ARHGEF40: variants seen among roughly 807,000 people sequenced by gnomAD.
ARHGEF40 encodes Rho guanine nucleotide exchange factor (GEF) 40.
ARHGEF40 carries 98 observed loss-of-function variants against 165.9 expected under a neutral mutation model. The ratio of observed to expected loss-of-function variants is 0.59; its 90% CI spans 0.50 to 0.70. The LOEUF is 0.70. Ranked by LOEUF, ARHGEF40 falls within the 30% of genes least tolerant of loss-of-function variation. The pLI is 0.00. For missense variants in ARHGEF40, 1,815 were observed against 1,968.0 expected (o/e 0.92, Z 1.47); for synonymous variants, 792 against 814.3 (o/e 0.97, Z 0.47).
At position 21,076,864 on chromosome 14, in the gene ARHGEF40, C is replaced by T. The variant is rs1434842689; in HGVS notation, c.2008C>T (p.Pro670Ser). 1.9e-6 allele frequency: 3 copies of T among 1,613,536 alleles called. No individual in the cohort carries two copies. Among genetic ancestry groups the T allele is most frequent in the Non-Finnish European group, 2.5e-6 (3 of 1,179,956 alleles). ...GTTAGGAGGTCACAGGGACCCCTCT[C>T]CCAGTCACTGGGTAGAGATACACCA... ...WELGGHRDPS[P>S]SHWVEIHQEV... The change falls in exon 8 of 24, where the codon CCC becomes TCC. Residue 670 changes from proline (P) to serine (S), a missense_variant. Coordinates refer to ENST00000298694, the MANE Select transcript of ARHGEF40 (RefSeq NM_018071.5).
At position 21,082,003 on chromosome 14, in the gene ARHGEF40, T is replaced by G. The variant is rs936993336; in HGVS notation, c.3135T>G (p.Thr1045=). 1.3e-5 allele frequency: 21 copies of G among 1,579,330 alleles called. No homozygotes were observed. Among genetic ancestry groups the G allele is most frequent in the Non-Finnish European group, 1.7e-5 (20 of 1,162,352 alleles). ...VLIRGLEVTS[T]EVVDRTCSPR... ...TCCGAGGCCTGGAGGTCACCAGCACTGAGGTGGTAGACAGGACGTGCTCAC... is the reference window on the plus strand; with the variant it reads ...TCCGAGGCCTGGAGGTCACCAGCACGGAGGTGGTAGACAGGACGTGCTCAC... Residue 1045 remains threonine, a synonymous_variant, in exon 14 of 24, where the codon ACT becomes ACG. Transcript: ENST00000298694.
At position 21,070,360 on chromosome 14, in the gene ARHGEF40, G is replaced by T; in HGVS notation, c.-37G>T. ...GGCGGTGGCGCGCCCGGCCCCGCCC[G>T]CCCGACCAAGCGTCGGACGCGGCCC... On this transcript the variant is annotated 5_prime_UTR_variant, in exon 1 of 24. Coordinates refer to ENST00000298694, the MANE Select transcript of ARHGEF40 (RefSeq NM_018071.5). The surrounding 1 kb of genome is among the most constrained non-coding windows in gnomAD (Gnocchi z 4.7). The T allele has an allele frequency of 2.1e-6, 3 of 1,405,442 alleles. No individual in the cohort carries two copies. The highest frequency in any genetic ancestry group is 1.5e-5 in the South Asian group (1 of 65,646). The allele number at this position is 1,405,442 out of a possible 1,614,324, so 87.1% of individuals were successfully genotyped here.
rs1282283570 is a variant in ARHGEF40, at chr14:21,081,735, TGG to T, written c.2869_2870del (p.Gly957ArgfsTer60). 1.9e-6 allele frequency: 3 copies of T among 1,576,558 alleles called. No individual in the cohort carries two copies. In the South Asian group the frequency reaches 3.4e-5, roughly 18 times the overall value. On this transcript the variant is annotated frameshift_variant, in exon 14 of 24. Transcript: ENST00000298694. LOFTEE classifies it high-confidence loss of function. The stretch of plus-strand genomic sequence containing the variant: ...CTAGAGAGGAGGATCCAGCAACACG[TGG>T]GAGAGGAGGCGAGCCCACGGGGCTA...
At position 21,087,472 on chromosome 14, in the gene ARHGEF40, CCT is replaced by C. The variant is rs1452967034; in HGVS notation, c.4387+13_4387+14del. ...CAAGCAAATTTCCCTGGGTGAGGCA[CCT>C]CTCAAGGGGTGGCTCCCAACAGCTC... On this transcript the variant is annotated intron_variant, in intron 21 of 23. Transcript: ENST00000298694. The C allele has an allele frequency of 5.0e-6, 8 of 1,600,228 alleles. No individual in the cohort carries two copies. Among genetic ancestry groups the C allele is most frequent in the Non-Finnish European group, 6.8e-6 (8 of 1,179,794 alleles).
In ARHGEF40 at chr14:21,070,364, G is replaced by C. The variant is rs1886611797; in HGVS notation, c.-33G>C. The C allele has an allele frequency of 1.4e-6, 2 of 1,406,186 alleles. No homozygotes were observed. Among genetic ancestry groups the C allele is most frequent in the East Asian group, 6.1e-5 (2 of 32,718 alleles). 87.1% of individuals were successfully genotyped at this position (1,406,186 alleles called of 1,614,324 possible). On this transcript the variant is annotated 5_prime_UTR_variant, in exon 1 of 24. Transcript: ENST00000298694. This position sits in a 1 kb window ranked among gnomAD's most constrained non-coding sequence, Gnocchi z 4.7. ...GTGGCGCGCCCGGCCCCGCCCGCCC[G>C]ACCAAGCGTCGGACGCGGCCCGGCG...
chr14:21,075,858 C>T lies in ARHGEF40; in HGVS notation c.1739+93C>T. 11 of 1,476,102 alleles carry T rather than the reference C, an allele frequency of 7.5e-6. No individual in the cohort carries two copies. The highest frequency in any genetic ancestry group is 1.0e-5 in the Non-Finnish European group (11 of 1,095,332). The allele number at this position is 1,476,102 out of a possible 1,614,324, so 91.4% of individuals were successfully genotyped here. A position where few individuals can be genotyped will look rare whatever the true frequency, so the allele number is the denominator to read the frequency against. ...CTTCTCAGGACACTGACCTTCTGACCTCTAAGGACACCTACTTCTTCAACC... is the reference window on the plus strand; with the variant it reads ...CTTCTCAGGACACTGACCTTCTGACTTCTAAGGACACCTACTTCTTCAACC... On this transcript the variant is annotated intron_variant, in intron 5 of 23. Transcript: ENST00000298694. This position sits in a 1 kb window ranked among gnomAD's most constrained non-coding sequence, Gnocchi z 4.5.
Position 21,081,049 on chromosome 14 carries a change from C to A in ARHGEF40, c.2640+33C>A, listed in dbSNP as rs372083448. 10 of 1,588,612 alleles carry A rather than the reference C, an allele frequency of 6.3e-6. No homozygotes were observed. The East Asian group carries it at 1.1e-4, about 18-fold the overall frequency. On this transcript the variant is annotated intron_variant, in intron 13 of 23. Transcript: ENST00000298694. ...CAGAGCCTTTTCCTTCTGTGCCCCC[C>A]CATTTCCATTTATTCACTTCCTTTC...
At chr14:21,081,045 C>G in intron 13 of ARHGEF40, 29 bp downstream of exon 13, 8 of 1,568,128 alleles carry the variant, frequency 5.1e-6, no homozygotes, top group Non-Finnish European at 7.0e-6. Flanking sequence ...CCTTCTGTGC[C>G]CCCCCATTTC....
At chr14:21,061,627 C>A in the ARHGEF40 span, among the ~76,000 whole-genome samples, 2 of 152,164 alleles carry the variant, frequency 1.3e-5, no homozygotes, top group African/African-American at 4.8e-5. Flanking sequence ...GAAGGGGCTC[C>A]TCAGCCATTT....
intron 8 of ARHGEF40, 123 bp downstream of exon 8, chr14:21,077,013 T>C (rs935926237): frequency 7.1e-6 from 5 of 708,748 alleles, no homozygotes; most frequent in Non-Finnish European, 9.7e-6. Flanking sequence ...TTCCATTCCA[T>C]TCAATTCAAC....
Position 21,082,312 on chromosome 14 carries a change from C to T in ARHGEF40, c.3320C>T (p.Pro1107Leu). The change falls in exon 15 of 24, where the codon CCA (proline) becomes CTA (leucine). Residue 1107 changes from proline (P) to leucine (L), a missense_variant. Physicochemically the swap from Pro to Leu is moderately conservative, Grantham distance 98. Transcript: ENST00000298694. ...EQDYVATLSE[P>L]VPPPGPELTP... ...GATTACGTGGCCACCTTGAGTGAGC[C>T]AGTGCCACCCCCTGGGCCTGAGCTG... is the stretch of plus-strand genomic sequence containing the variant. The T allele has an allele frequency of 6.2e-7, 1 of 1,613,212 alleles. No homozygotes were observed. Among genetic ancestry groups the T allele is most frequent in the Non-Finnish European group, 8.5e-7 (1 of 1,179,780 alleles).
At chr14:21,067,761 TACACACACACACAC>T (rs3061993), upstream of ARHGEF40, among the ~76,000 whole-genome samples, 1 of 150,022 alleles carries the variant, frequency 6.7e-6, no homozygotes, top group South Asian at 2.1e-4. Context: ...TGTACACACG[TACACACACACACAC>T]ACACACACAC....
Position 21,075,225 on chromosome 14 carries a change from G to C in ARHGEF40, c.1450+45G>C. On this transcript the variant is annotated intron_variant, in intron 3 of 23. Transcript: ENST00000298694. The surrounding 1 kb of genome is among the most constrained non-coding windows in gnomAD (Gnocchi z 4.5). ...GGCTCATGGGGCAAGGGCCAAAGCAGGTCGGGCCTATGGGAGGGGGCAGGA... is the reference window on the plus strand; with the variant it reads ...GGCTCATGGGGCAAGGGCCAAAGCACGTCGGGCCTATGGGAGGGGGCAGGA... 1 of 1,584,702 alleles carries C rather than the reference G, an allele frequency of 6.3e-7. No individual in the cohort carries two copies.
At position 21,087,418 on chromosome 14, in the gene ARHGEF40, G is replaced by A. The variant is rs201923055; in HGVS notation, c.4342G>A (p.Val1448Ile). The A allele has an allele frequency of 1.4e-5, 22 of 1,601,430 alleles. No individual in the cohort carries two copies. Among genetic ancestry groups the A allele is most frequent in the Middle Eastern group, 1.6e-4 (1 of 6,084 alleles). Residue 1448 changes from valine to isoleucine, a missense_variant, in exon 21 of 24, where the codon GTC (valine) becomes ATC (isoleucine). Physicochemically the swap from Val to Ile is conservative, Grantham distance 29. Transcript: ENST00000298694. The stretch of plus-strand genomic sequence containing the variant: ...GGGAGCCTGCTCCCTGCCTGCCCGC[G>A]TCGAGGAGGAGGCCTGGGATCTGGA... ...SPGACSLPARVEEEAWDLDVK... is the reference protein window; with the variant it reads ...SPGACSLPARIEEEAWDLDVK...
upstream of ARHGEF40, among the ~76,000 whole-genome samples, chr14:21,066,354 T>A (rs1886266208): frequency 6.6e-6 from 1 of 151,382 alleles, no homozygotes; most frequent in Non-Finnish European, 1.5e-5. Context: ...GGAGTCTCAC[T>A]TTGTCGCCAG....
At chr14:21,086,165 G>C in intron 19 of ARHGEF40, 1 of 335,576 alleles carries the variant, frequency 3.0e-6, no homozygotes, top group Non-Finnish European at 5.7e-6. Flanking sequence ...ATTGTTTGAG[G>C]CCAGGTGTTC....
the ARHGEF40 span, among the ~76,000 whole-genome samples, chr14:21,064,172 G>C: frequency 9.9e-5 from 15 of 152,158 alleles, no homozygotes; most frequent in South Asian, 6.2e-4. Flanking sequence ...ATAATTCAAA[G>C]TGCGGAGGAG....
At position 21,074,087 on chromosome 14, in the gene ARHGEF40, A is replaced by G. The variant is rs1231643872; in HGVS notation, c.357A>G (p.Leu119=). The change falls in exon 3 of 24, where the codon CTA becomes CTG. Residue 119 remains leucine, a synonymous_variant. Transcript: ENST00000298694. The surrounding 1 kb of genome is among the most constrained non-coding windows in gnomAD (Gnocchi z 4.8). ...CCTCAGCTGCCCAAGCACCCCGACTAGCACTCAAGTGTCTGGCCCCTGGGG... is the reference window on the plus strand; with the variant it reads ...CCTCAGCTGCCCAAGCACCCCGACTGGCACTCAAGTGTCTGGCCCCTGGGG... ...VVPSAAQAPR[L]ALKCLAPGGG... 5.0e-6 allele frequency: 8 copies of G among 1,614,156 alleles called. No individual in the cohort carries two copies. The highest frequency in any genetic ancestry group is 1.7e-5 in the Admixed American group (1 of 60,026).
In ARHGEF40 at chr14:21,070,489, C is replaced by G; in HGVS notation, c.3+90C>G. The stretch of plus-strand genomic sequence containing the variant: ...AGTCCTCAGCCTGGTGCCTCCCGAG[C>G]CTGCCTCGGACTGTTCGGCCCCTCT... On this transcript the variant is annotated intron_variant, in intron 1 of 23. Transcript: ENST00000298694. This position sits in a 1 kb window ranked among gnomAD's most constrained non-coding sequence, Gnocchi z 4.7. 2 of 1,341,492 alleles carry G rather than the reference C, an allele frequency of 1.5e-6. No homozygotes were observed. The highest frequency in any genetic ancestry group is 1.9e-6 in the Non-Finnish European group (2 of 1,044,508). The allele number at this position is 1,341,492 out of a possible 1,614,324, so 83.1% of individuals were successfully genotyped here.
Sources: gnomAD v4.1 joint callset for allele counts (sites outside exome capture counted in the v4.1 genomes callset) on GRCh38, gnomAD v4.1.1 for gene constraint, Gnocchi (gnomAD v3.1) non-coding constraint, MANE v1.5 for transcripts, NCBI Gene and HGNC (gene_info 2026-07-23, HGNC 2026-07-21) for gene names.